The following CCDC91 variants were observed in gnomAD, a reference collection of about 807,000 sequenced individuals.
CCDC91 encodes the protein coiled-coil domain containing 91.
CCDC91 carries 48 observed loss-of-function variants against 63.2 expected under a neutral mutation model. That is an observed-to-expected ratio of 0.76 (90% CI 0.60 to 0.97). The LOEUF is 0.97. CCDC91 is among the 50% of genes least tolerant of loss of function. The probability of loss-of-function intolerance (pLI) is 0.00; values close to 1 mark genes in which losing one functional copy is unlikely to be tolerated. For synonymous variants in CCDC91, 167 were observed against 165.8 expected, an observed-to-expected ratio of 1.01 and a Z score of -0.06; for missense variants, 500 against 494.6, an observed-to-expected ratio of 1.01 and a Z score of -0.10.
intron 11 of CCDC91, among the ~76,000 whole-genome samples, chr12:28,457,853 C>T (rs1355751563): frequency 4.6e-5 from 7 of 151,856 alleles, no homozygotes; most frequent in South Asian, 4.2e-4. Flanking sequence ...AAGGAAAAGA[C>T]GTTTGTTATT....
At chr12:28,217,589 A>C (rs1280245825) in intron 1 of CCDC91, among the ~76,000 whole-genome samples, 1 of 152,150 alleles carries the variant, frequency 6.6e-6, no homozygotes, top group African/African-American at 2.4e-5. Context: ...AGAAGACAAG[A>C]CTGTAAAGGT....
chr12:28,306,911 A>G lies in CCDC91; in HGVS notation c.437A>G (p.Lys146Arg). 6.2e-7 allele frequency: 1 copy of G among 1,610,700 alleles called. No individual in the cohort carries two copies. The highest frequency in any genetic ancestry group is 8.5e-7 in the Non-Finnish European group (1 of 1,177,612). ...QKISSLEIKL[K>R]VSEEEKQRIK... ...ATTTCAAGTCTGGAGATTAAACTCA[A>G]AGTATCTGAAGAAGAAAAACAGAGA... Residue 146 changes from lysine (K) to arginine (R), a missense_variant, in exon 5 of 13, where the codon AAA (lysine) becomes AGA (arginine). Transcript: ENST00000536442.
chr12:28,536,055 G>A lies in CCDC91; in HGVS notation c.1216-13008G>A, dbSNP rs967684104. On this transcript the variant is annotated intron_variant, in intron 12 of 12. Coordinates refer to ENST00000536442, the MANE Select transcript of CCDC91 (RefSeq NM_018318.5). ...AAAAAAAAAAAAAATATATATTGTG[G>A]GAAATGGAAAGTTTTATCTATTGAA... 1.1e-4 allele frequency among the ~76,000 whole-genome samples: 16 copies of A among 151,928 alleles called. No homozygotes were observed. In the South Asian group the frequency reaches 3.1e-3, roughly 30 times the overall value.
At position 28,216,779 on chromosome 12, in the gene CCDC91, T is replaced by C. The variant is rs1943589068; in HGVS notation, c.-15+26138T>C. Among the ~76,000 whole-genome samples the C allele has an allele frequency of 2.0e-5, 3 of 152,026 alleles. No homozygotes were observed. The South Asian group carries it at 6.2e-4, about 31-fold the overall frequency. On this transcript the variant is annotated intron_variant, in intron 1 of 12. Transcript: ENST00000536442. ...GTGTTTGTTCAGGAGAGAAAATCGT[T>C]GTGAGGGAAGTAAATAGAATGTTAC... is the stretch of plus-strand genomic sequence containing the variant.
intron 3 of CCDC91, among the ~76,000 whole-genome samples, chr12:28,301,627 A>T (rs11049517): frequency 0.2 from 30,318 of 151,438 alleles, 3,978 homozygotes; most frequent in Non-Finnish European, 0.3. Context: ...TCTCAATTTT[A>T]GAATATTGGG....
At chr12:28,200,053 T>A (rs984981215) in intron 1 of CCDC91, among the ~76,000 whole-genome samples, 2 of 152,106 alleles carry the variant, frequency 1.3e-5, no homozygotes, top group African/African-American at 2.4e-5. Flanking sequence ...TCTCCTCTTT[T>A]TCTGGTTCTC....
intron 12 of CCDC91, among the ~76,000 whole-genome samples, chr12:28,502,127 A>T (rs1937978404): frequency 6.6e-6 from 1 of 151,794 alleles, no homozygotes; most frequent in African/African-American, 2.4e-5. Context: ...CTAGCGGTCT[A>T]TCAATTCTGT....
At chr12:28,475,472 CTG>C (rs1288858481) in intron 11 of CCDC91, among the ~76,000 whole-genome samples, 1 of 152,160 alleles carries the variant, frequency 6.6e-6, no homozygotes, top group Non-Finnish European at 1.5e-5. Flanking sequence ...AGGATTAAGA[CTG>C]TGAGATTTAT....
chr12:28,407,964 A>C (rs201882742), intron 8 of CCDC91, among the ~76,000 whole-genome samples: 1 of 127,140 alleles, frequency 7.9e-6, no homozygotes, highest in Non-Finnish European at 1.7e-5. Context: ...ATATATATAT[A>C]TTTTTTTTAT....
At chr12:28,363,745 C>T (rs151096728) in intron 7 of CCDC91, among the ~76,000 whole-genome samples, 2,267 of 151,630 alleles carry the variant, frequency 0.015, 51 homozygotes, top group African/African-American at 0.053. Flanking sequence ...GGCATGGTGG[C>T]GGGTGCCTGT....
At chr12:28,430,306 A>T (rs1948561690) in intron 8 of CCDC91, among the ~76,000 whole-genome samples, 1 of 152,072 alleles carries the variant, frequency 6.6e-6, no homozygotes, top group African/African-American at 2.4e-5. Context: ...TACAAACTTC[A>T]AGGTAATATT....
intron 8 of CCDC91, among the ~76,000 whole-genome samples, chr12:28,423,111 A>G (rs2139943810): frequency 6.6e-6 from 1 of 152,234 alleles, no homozygotes; most frequent in African/African-American, 2.4e-5. Flanking sequence ...TGCCCTGTCC[A>G]GGAGAATTGT....
chr12:28,350,615 G>T (rs928334207), intron 6 of CCDC91, among the ~76,000 whole-genome samples: 8 of 152,160 alleles, frequency 5.3e-5, no homozygotes, highest in African/African-American at 1.9e-4. Context: ...CACAAACTTG[G>T]TGGATTGAAA....
At chr12:28,301,356 G>T (rs747068875) in intron 3 of CCDC91, among the ~76,000 whole-genome samples, 1 of 151,426 alleles carries the variant, frequency 6.6e-6, no homozygotes, top group Non-Finnish European at 1.5e-5. Context: ...TGTTATTATG[G>T]AGTATTATAT....
chr12:28,374,638 A>G (rs1293499702), intron 7 of CCDC91, among the ~76,000 whole-genome samples: 1 of 152,174 alleles, frequency 6.6e-6, no homozygotes, highest in Admixed American at 6.5e-5. Context: ...CTCCCAAATC[A>G]TGTGATCAGC....
intron 6 of CCDC91, among the ~76,000 whole-genome samples, chr12:28,327,739 A>C (rs577581444): frequency 2.6e-5 from 4 of 152,280 alleles, no homozygotes; most frequent in African/African-American, 9.6e-5. Context: ...CAACGACGCC[A>C]CTTCAGTAGT....
chr12:28,276,076 C>G (rs1372300400), intron 3 of CCDC91, among the ~76,000 whole-genome samples: 2 of 152,172 alleles, frequency 1.3e-5, no homozygotes, highest in South Asian at 2.1e-4. Flanking sequence ...CAGGGATGCC[C>G]TCTCTCACCA....
chr12:28,415,161 C>T (rs920949375), intron 8 of CCDC91, among the ~76,000 whole-genome samples: 1 of 150,964 alleles, frequency 6.6e-6, no homozygotes, highest in Non-Finnish European at 1.5e-5. Context: ...TTCTACTTTC[C>T]TTTAAGGCTC....
intron 12 of CCDC91, among the ~76,000 whole-genome samples, chr12:28,537,370 TGGTTG>T (rs386761470): frequency 0.011 from 1,746 of 152,326 alleles, 29 homozygotes; most frequent in African/African-American, 0.04. Context: ...TCTATTCCAT[TGGTTG>T]TTTTCCAGTC....
Sources: gnomAD v4.1 joint callset for allele counts (sites outside exome capture counted in the v4.1 genomes callset) on GRCh38, gnomAD v4.1.1 for gene constraint, MANE v1.5 for transcripts, NCBI Gene and HGNC (gene_info 2026-07-23, HGNC 2026-07-21) for gene names.